Variants in ZNF467 observed in about 807,000 individuals in gnomAD.
ZNF467 encodes zinc finger protein EZI.
Under a neutral mutation model 47.8 loss-of-function variants are expected in ZNF467, and 51 were observed. The observed-to-expected ratio is 1.07, with a 90% CI of 0.85 to 1.35. The LOEUF (loss-of-function observed/expected upper bound fraction) is 1.35, where lower values mean the gene tolerates loss of function less well. Among genes scored for constraint, ZNF467 ranks in the 40% most tolerant of loss-of-function variants. ZNF467 has a pLI of 0.00. For missense variants in ZNF467, 992 were observed against 858.1 expected, an observed-to-expected ratio of 1.16 and a Z score of -1.95; for synonymous variants, 416 against 372.9, an observed-to-expected ratio of 1.12 and a Z score of -1.33.
At chr7:149,772,609 C>A (rs1799458372) in intron 1 of ZNF467, among the ~76,000 whole-genome samples, 2 of 149,328 alleles carry the variant, frequency 1.3e-5, no homozygotes, top group African/African-American at 5.0e-5. Context: ...CGACGGGACC[C>A]TCAGCTCCAC....
Position 149,770,449 on chromosome 7 carries a change from C to G in ZNF467, c.142G>C (p.Val48Leu). 6.2e-7 allele frequency: 1 copy of G among 1,610,590 alleles called. No individual in the cohort carries two copies. Among genetic ancestry groups the G allele is most frequent in the Non-Finnish European group, 8.5e-7 (1 of 1,177,942 alleles). ...GGTTCCTGTTACCTACCTGAGCACACCCCCAGTGCTCTCTCTTCCCTAGAA... is the reference window on the plus strand; with the variant it reads ...GGTTCCTGTTACCTACCTGAGCACAGCCCCAGTGCTCTCTCTTCCCTAGAA... The part of the protein sequence containing the change: ...SSSREERALG[V>L]CSGHEAPTPE... The change falls in exon 3 of 5, where the codon GTG becomes CTG. Residue 48 changes from valine (V) to leucine (L), a missense_variant. Coordinates refer to ENST00000302017, the MANE Select transcript of ZNF467 (RefSeq NM_207336.3).
At chr7:149,767,101 C>A (rs931468689) in intron 4 of ZNF467, among the ~76,000 whole-genome samples, 1 of 152,218 alleles carries the variant, frequency 6.6e-6, no homozygotes, top group Non-Finnish European at 1.5e-5. Context: ...ACGGGAGGGT[C>A]CAACTTAGGT....
chr7:149,770,225 G>T (rs1799351458), intron 3 of ZNF467, among the ~76,000 whole-genome samples: 2 of 151,938 alleles, frequency 1.3e-5, no homozygotes, highest in Non-Finnish European at 2.9e-5. Flanking sequence ...TTGAAGGTAG[G>T]GATCTTTGAC....
chr7:149,766,158 A>G lies in ZNF467; in HGVS notation c.344T>C (p.Leu115Pro). Residue 115 changes from leucine (L) to proline (P), a missense_variant, in exon 5 of 5, where the codon CTA becomes CCA. Leu to Pro is a moderately conservative substitution (Grantham distance 98). Transcript: ENST00000302017. The stretch of plus-strand genomic sequence containing the variant: ...GGGAAAGGGGCTGGGAAGTAACGAT[A>G]GATGCTGGGGCCATTCGACCTCCTC... ...AEEEVEWPQH[L>P]SLLPSPFPAP... 7.5e-6 allele frequency: 12 copies of G among 1,591,798 alleles called. No individual in the cohort carries two copies. The highest frequency in any genetic ancestry group is 1.0e-5 in the Non-Finnish European group (12 of 1,166,650).
In ZNF467 at chr7:149,765,720, G is replaced by A. The variant is rs1447731825; in HGVS notation, c.782C>T (p.Ser261Leu). 3 of 1,612,596 alleles carry A rather than the reference G, an allele frequency of 1.9e-6. No individual in the cohort carries two copies. Among genetic ancestry groups the A allele is most frequent in the South Asian group, 2.2e-5 (2 of 91,024 alleles). The change falls in exon 5 of 5, where the codon TCG (serine) becomes TTG (leucine). Residue 261 changes from serine (S) to leucine (L), a missense_variant. Ser to Leu is a moderately radical substitution (Grantham distance 145, BLOSUM62 -2). Transcript: ENST00000302017. Reference protein sequence around the residue: ...KRFSQKIHLGSHQKTHTGERP... With the variant: ...KRFSQKIHLGLHQKTHTGERP... The stretch of plus-strand genomic sequence containing the variant: ...CTCGCCGGTGTGGGTCTTTTGGTGC[G>A]AGCCCAGGTGGATCTTCTGGCTGAA...
In ZNF467 at chr7:149,765,776, C is replaced by T; in HGVS notation, c.726G>A (p.Arg242=). 6.2e-7 allele frequency: 1 copy of T among 1,611,966 alleles called. No individual in the cohort carries two copies. The highest frequency in any genetic ancestry group is 8.5e-7 in the Non-Finnish European group (1 of 1,179,232). The part of the protein sequence containing the change: ...TRHLRTHTGE[R]PYPCAECGKR... ...TGCCGCACTCCGCGCACGGGTAGGG[C>T]CGCTCGCCCGTGTGCGTGCGCAGGT... Residue 242 remains arginine, a synonymous_variant, in exon 5 of 5, where the codon CGG becomes CGA. Coordinates refer to ENST00000302017, the MANE Select transcript of ZNF467 (RefSeq NM_207336.3).
At position 149,764,806 on chromosome 7, in the gene ZNF467, C is replaced by A. The variant is rs201535763; in HGVS notation, c.1696G>T (p.Gly566Cys). The change falls in exon 5 of 5, where the codon GGC becomes TGC. Residue 566 changes from glycine to cysteine, a missense_variant. Physicochemically the swap from Gly to Cys is radical, Grantham distance 159 (BLOSUM62 -3). Coordinates refer to ENST00000302017, the MANE Select transcript of ZNF467 (RefSeq NM_207336.3). ...THLVRHQLIHGEAAHAAPDAA... is the reference protein window; with the variant it reads ...THLVRHQLIHCEAAHAAPDAA... ...TCCGGGGCCGCGTGGGCGGCTTCGC[C>A]GTGAATGAGCTGGTGCCGCACCAGG... 1.2e-5 allele frequency: 18 copies of A among 1,528,976 alleles called. 1 individual carries two copies. The African/African-American group carries it at 1.4e-4, about 12-fold the overall frequency. 94.7% of individuals were successfully genotyped at this position (1,528,976 alleles called of 1,614,324 possible). A position where few individuals can be genotyped will look rare whatever the true frequency, so the allele number is the denominator to read the frequency against.
chr7:149,774,933 C>T (rs1364269649), upstream of ZNF467, among the ~76,000 whole-genome samples: 3 of 152,144 alleles, frequency 2.0e-5, no homozygotes, highest in Non-Finnish European at 2.9e-5. The surrounding 1 kb of genome is among the most constrained non-coding windows in gnomAD (Gnocchi z 5.7). Context: ...CTACAGGATA[C>T]TCGGAGGGAT....
At chr7:149,766,464 C>T (rs545908656) in intron 4 of ZNF467, among the ~76,000 whole-genome samples, 2 of 152,214 alleles carry the variant, frequency 1.3e-5, no homozygotes, top group Non-Finnish European at 1.5e-5. Flanking sequence ...GCTTCTTCCC[C>T]GGCCTGGATG....
At chr7:149,768,270 T>C (rs1351271812) in intron 4 of ZNF467, among the ~76,000 whole-genome samples, 1 of 152,228 alleles carries the variant, frequency 6.6e-6, no homozygotes, top group African/African-American at 2.4e-5. Context: ...TCCATTTCTT[T>C]TGTGTCTAAT....
intron 1 of ZNF467, 137 bp downstream of exon 1, chr7:149,772,971 C>T (rs1353161114): frequency 6.8e-6 from 1 of 146,530 alleles, no homozygotes; most frequent in Non-Finnish European, 1.5e-5. Flanking sequence ...TCCCCGGACC[C>T]GCGCCCCTCC....
At chr7:149,766,551 A>T (rs1197155391) in intron 4 of ZNF467, among the ~76,000 whole-genome samples, 1 of 152,166 alleles carries the variant, frequency 6.6e-6, no homozygotes, top group African/African-American at 2.4e-5. Context: ...CCAGGTTCAC[A>T]TCCCTTTGGT....
chr7:149,764,937 C>T lies in ZNF467; in HGVS notation c.1565G>A (p.Arg522His). Residue 522 changes from arginine to histidine, a missense_variant, in exon 5 of 5, where the codon CGC (arginine) becomes CAC (histidine). Arg to His is a conservative substitution (Grantham distance 29, BLOSUM62 0). Transcript: ENST00000302017. ...TAGGTTGGTTTTGGAGCTGAAGCTG[C>T]GGGCGCAGACGGCGCAGGCGTGGGG... ...SRPHACAVCA[R>H]SFSSKTNLVR... The T allele has an allele frequency of 6.3e-7, 1 of 1,576,306 alleles. No homozygotes were observed.
chr7:149,766,773 C>T (rs565806247), intron 4 of ZNF467, among the ~76,000 whole-genome samples: 1 of 152,338 alleles, frequency 6.6e-6, no homozygotes, highest in South Asian at 2.1e-4. Context: ...TCTTTGACAT[C>T]TCACCTGGGC....
chr7:149,765,082 G>C lies in ZNF467; in HGVS notation c.1420C>G (p.Leu474Val). The C allele has an allele frequency of 6.8e-7, 1 of 1,474,840 alleles. No individual in the cohort carries two copies. The highest frequency in any genetic ancestry group is 8.9e-7 in the Non-Finnish European group (1 of 1,117,730). 91.4% of individuals were successfully genotyped at this position (1,474,840 alleles called of 1,614,324 possible). A position where few individuals can be genotyped will look rare whatever the true frequency, so the allele number is the denominator to read the frequency against. Reference sequence around the variant, plus strand: ...CTGTGGGCCCTGGAGTGGGCGACCAGATTAGGCCGCGAGCCGAAGCGGCGG... The same window carrying C: ...CTGTGGGCCCTGGAGTGGGCGACCACATTAGGCCGCGAGCCGAAGCGGCGG... ...CDRRFGSRPNLVAHSRAHSGA... is the reference protein window; with the variant it reads ...CDRRFGSRPNVVAHSRAHSGA... Residue 474 changes from leucine (L) to valine (V), a missense_variant, in exon 5 of 5, where the codon CTG becomes GTG. Transcript: ENST00000302017.
In ZNF467 at chr7:149,765,983, CA is replaced by C; in HGVS notation, c.518del (p.Leu173ArgfsTer59). Reference protein sequence around the residue: ...GECERRFRDQLTLRLHQRLHR... With the variant: ...GECERRFRDQXTLRLHQRLHR... ...GCAGCCGCTGGTGCAGTCGCAACGT[CA>C]GCTGGTCCCGGAAGCGCCGCTCACA... On this transcript the variant is annotated frameshift_variant, in exon 5 of 5. Coordinates refer to ENST00000302017, the MANE Select transcript of ZNF467 (RefSeq NM_207336.3). LOFTEE classifies it high-confidence loss of function. 6.4e-7 allele frequency: 1 copy of C among 1,556,254 alleles called. No individual in the cohort carries two copies. The highest frequency in any genetic ancestry group is 1.2e-5 in the South Asian group (1 of 85,314).
upstream of ZNF467, among the ~76,000 whole-genome samples, chr7:149,775,275 C>G (rs969479669): frequency 6.6e-6 from 1 of 152,202 alleles, no homozygotes; most frequent in South Asian, 2.1e-4. Context: ...TCATCCCCAG[C>G]AAGAAACTGG....
At position 149,764,587 on chromosome 7, in the gene ZNF467, G is replaced by A; in HGVS notation, c.*127C>T. ...GTGCGGACGCAGACACTGCGGGAAG[G>A]AAACAGGTGTCCCGCGGCGGCCAAA... On this transcript the variant is annotated 3_prime_UTR_variant, in exon 5 of 5. Transcript: ENST00000302017. The A allele has an allele frequency of 6.6e-7, 1 of 1,504,036 alleles. No homozygotes were observed. The highest frequency in any genetic ancestry group is 9.0e-7 in the Non-Finnish European group (1 of 1,108,460). 93.2% of individuals were successfully genotyped at this position (1,504,036 alleles called of 1,614,324 possible). A position where few individuals can be genotyped will look rare whatever the true frequency, so the allele number is the denominator to read the frequency against.
rs2117386693 is a variant in ZNF467, at chr7:149,765,124, C to T, written c.1378G>A (p.Ala460Thr). The change falls in exon 5 of 5, where the codon GCC becomes ACC. Residue 460 changes from alanine (A) to threonine (T), a missense_variant. Coordinates refer to ENST00000302017, the MANE Select transcript of ZNF467 (RefSeq NM_207336.3). Reference protein sequence around the residue: ...PRVHTGERPFACTQCDRRFGS... With the variant: ...PRVHTGERPFTCTQCDRRFGS... ...AAGCGGCGGTCACACTGCGTGCAGG[C>T]GAAGGGCCGTTCGCCCGTGTGCACG... The T allele has an allele frequency of 6.8e-7, 1 of 1,479,112 alleles. No homozygotes were observed. Among genetic ancestry groups the T allele is most frequent in the Admixed American group, 2.4e-5 (1 of 41,966 alleles). 91.6% of individuals were successfully genotyped at this position (1,479,112 alleles called of 1,614,324 possible).
Sources: gnomAD v4.1 joint callset for allele counts (sites outside exome capture counted in the v4.1 genomes callset) on GRCh38, gnomAD v4.1.1 for gene constraint, Gnocchi (gnomAD v3.1) non-coding constraint, MANE v1.5 for transcripts, NCBI Gene and HGNC (gene_info 2026-07-23, HGNC 2026-07-21) for gene names.